The following ABHD12 variants were observed in gnomAD, a reference collection of about 807,000 sequenced individuals.
The protein encoded by ABHD12 is lysophosphatidylserine lipase ABHD12.
In ABHD12, 43 loss-of-function variants were observed where a neutral mutation model predicts 58.3. That is an observed-to-expected ratio of 0.74 (90% CI 0.58 to 0.95). The LOEUF (loss-of-function observed/expected upper bound fraction) is 0.95, where lower values mean the gene tolerates loss of function less well. ABHD12 is among the 40% of genes least tolerant of loss of function. The probability of loss-of-function intolerance (pLI) is 0.00; values close to 1 mark genes in which losing one functional copy is unlikely to be tolerated. For missense variants in ABHD12, 539 were observed against 537.2 expected, an observed-to-expected ratio of 1.00 and a Z score of -0.03; for synonymous variants, 219 against 211.2, an observed-to-expected ratio of 1.04 and a Z score of -0.32.
intron 1 of ABHD12, among the ~76,000 whole-genome samples, chr20:25,382,933 C>G (rs1276117710): frequency 6.6e-6 from 1 of 151,788 alleles, no homozygotes; most frequent in African/African-American, 2.4e-5. Context: ...AAACCAGTAC[C>G]AGTTGAGGGG....
At chr20:25,374,634 C>T (rs1421127468) in intron 1 of ABHD12, among the ~76,000 whole-genome samples, 1 of 152,200 alleles carries the variant, frequency 6.6e-6, no homozygotes, top group Non-Finnish European at 1.5e-5. Flanking sequence ...GCTGGGATTA[C>T]AGGCATGTGC....
chr20:25,390,793 G>A lies in ABHD12; in HGVS notation c.-90C>T. 6 of 905,014 alleles carry A rather than the reference G, an allele frequency of 6.6e-6. No individual in the cohort carries two copies. Among genetic ancestry groups the A allele is most frequent in the Non-Finnish European group, 8.5e-6 (6 of 703,574 alleles). 56.1% of individuals were successfully genotyped at this position (905,014 alleles called of 1,614,324 possible). On this transcript the variant is annotated 5_prime_UTR_variant, in exon 1 of 13. Coordinates refer to ENST00000339157, the MANE Select transcript of ABHD12 (RefSeq NM_001042472.3). The stretch of plus-strand genomic sequence containing the variant: ...CAGCCGCCGCCACCCAGAGCCCGGA[G>A]CCCGGAACCCGCCGCTCCTCACATC...
intron 2 of ABHD12, among the ~76,000 whole-genome samples, chr20:25,331,322 C>T (rs1184283709): frequency 2.0e-5 from 3 of 152,126 alleles, no homozygotes; most frequent in Non-Finnish European, 2.9e-5. Flanking sequence ...ACCAAATCTA[C>T]GTCTGATTGG....
rs114454550 is a variant in ABHD12, at chr20:25,354,527, C to T, written c.192-15176G>A. On this transcript the variant is annotated intron_variant, in intron 1 of 12. Transcript: ENST00000339157. The stretch of plus-strand genomic sequence containing the variant: ...AGTCTAAAAGGCTGTACATAAGCCA[C>T]GTGTTACAGATGAAAAGCTGAGGCT... 1.3e-3 allele frequency among the ~76,000 whole-genome samples: 199 copies of T among 152,278 alleles called. 1 individual carries two copies. Among genetic ancestry groups the T allele is most frequent in the East Asian group, 7.5e-3 (39 of 5,190 alleles).
rs139497461 is a variant in ABHD12 at position 25,308,029 on chromosome 20, G to A, written c.804C>T (p.Ala268=). 1.7e-5 allele frequency: 28 copies of A among 1,606,328 alleles called. No homozygotes were observed. In the African/African-American group the frequency reaches 3.3e-4, roughly 19 times the overall value. The change falls in exon 9 of 13, where the codon GCC becomes GCT. Residue 268 remains alanine, a synonymous_variant. Transcript: ENST00000339157. The part of the protein sequence containing the change: ...RLCERETPPD[A]LILESPFTNI... Reference sequence around the variant, plus strand: ...TAGTGAATGGAGATTCCAATATAAGGGCATCTGGAGGCGTCTCTAGATAAA... The same window carrying A: ...TAGTGAATGGAGATTCCAATATAAGAGCATCTGGAGGCGTCTCTAGATAAA...
At chr20:25,379,488 G>T (rs1305457865) in intron 1 of ABHD12, among the ~76,000 whole-genome samples, 1 of 151,996 alleles carries the variant, frequency 6.6e-6, no homozygotes, top group Non-Finnish European at 1.5e-5. Context: ...CCACAGCCTT[G>T]GCCTTCCTTC....
At chr20:25,347,285 C>T (rs2089532160) in intron 1 of ABHD12, among the ~76,000 whole-genome samples, 1 of 152,104 alleles carries the variant, frequency 6.6e-6, no homozygotes, top group Non-Finnish European at 1.5e-5. Context: ...GAAATACTGC[C>T]AGCATGCTGT....
intron 6 of ABHD12, among the ~76,000 whole-genome samples, chr20:25,309,790 C>T (rs1755011773): frequency 1.3e-5 from 2 of 152,250 alleles, no homozygotes; most frequent in Non-Finnish European, 2.9e-5. Context: ...CTGGGGAAGG[C>T]AGCCCAGCAG....
At chr20:25,307,802 G>T (rs1473771806) in intron 9 of ABHD12, among the ~76,000 whole-genome samples, 164 bp downstream of exon 9, 1 of 152,184 alleles carries the variant, frequency 6.6e-6, no homozygotes, top group Non-Finnish European at 1.5e-5. Flanking sequence ...TACTTCTTGG[G>T]CAGCTCTGTG....
intron 11 of ABHD12, 70 bp downstream of exon 11, chr20:25,303,465 CGCCTGCCCACTCCCA>C (rs2088676347): frequency 1.3e-6 from 2 of 1,571,798 alleles, no homozygotes; most frequent in Admixed American, 1.8e-5. Context: ...GCTGCCTTCC[CGCCTGCCCACTCCCA>C]GCCTGGTCCA....
Position 25,309,542 on chromosome 20 carries a change from C to T in ABHD12, c.653G>A (p.Arg218Gln), listed in dbSNP as rs1182010524. ...GTGGAGTGCGTCATAGGTCATGCCC[C>T]GCTCAGATGGCGTTCCCACTGAGTC... is the stretch of plus-strand genomic sequence containing the variant. ...WGDSVGTPSERGMTYDALHVF... is the reference protein window; with the variant it reads ...WGDSVGTPSEQGMTYDALHVF... Residue 218 changes from arginine (R) to glutamine (Q), a missense_variant, in exon 7 of 13, where the codon CGG becomes CAG. Physicochemically the swap from Arg to Gln is conservative, Grantham distance 43 (BLOSUM62 1). Coordinates refer to ENST00000339157, the MANE Select transcript of ABHD12 (RefSeq NM_001042472.3). The T allele has an allele frequency of 1.4e-5, 22 of 1,614,172 alleles. No individual in the cohort carries two copies. The highest frequency in any genetic ancestry group is 1.7e-5 in the Non-Finnish European group (20 of 1,180,008).
chr20:25,303,591 C>A lies in ABHD12; in HGVS notation c.988G>T (p.Ala330Ser). ...AAGGGCACCACCGGGTCGTCCTCAG[C>A]GTGCAGGATGAGCAGGGGACAGGAG... Reference protein sequence around the residue: ...HISCPLLILHAEDDPVVPFQL... With the variant: ...HISCPLLILHSEDDPVVPFQL... Residue 330 changes from alanine (A) to serine (S), a missense_variant, in exon 11 of 13, where the codon GCT (alanine) becomes TCT (serine). Physicochemically the swap from Ala to Ser is moderately conservative, Grantham distance 99 (BLOSUM62 1). Coordinates refer to ENST00000339157, the MANE Select transcript of ABHD12 (RefSeq NM_001042472.3). 6.2e-7 allele frequency: 1 copy of A among 1,613,800 alleles called. No individual in the cohort carries two copies. Among genetic ancestry groups the A allele is most frequent in the Non-Finnish European group, 8.5e-7 (1 of 1,179,992 alleles).
At chr20:25,339,502 G>A in intron 1 of ABHD12, 151 bp from the exon 2 acceptor site, 1 of 1,389,944 alleles carries the variant, frequency 7.2e-7, no homozygotes, top group Non-Finnish European at 1.0e-6. Context: ...CCTCCCACCT[G>A]CCTTCACTCA....
At chr20:25,294,963 T>C in exon 13 of ABHD12, 1 of 1,614,154 alleles carries the variant, frequency 6.2e-7, no homozygotes, top group South Asian at 1.1e-5. Flanking sequence ...GTGTCACCTG[T>C]TGGCTTCAGT....
rs1329980952 is a variant in ABHD12 at position 25,390,725 on chromosome 20, C to T, written c.-22G>A. 11 of 1,297,706 alleles carry T rather than the reference C, an allele frequency of 8.5e-6. No individual in the cohort carries two copies. Among genetic ancestry groups the T allele is most frequent in the Non-Finnish European group, 9.7e-6 (10 of 1,028,122 alleles). 80.4% of individuals were successfully genotyped at this position (1,297,706 alleles called of 1,614,324 possible). On this transcript the variant is annotated 5_prime_UTR_variant, in exon 1 of 13. Transcript: ENST00000339157. ...TCATCCCGCGGCCGACAGGGCCAGC[C>T]GCCGACGGCGCCCGCTGGCCTGCGC...
chr20:25,314,201 G>A (rs1051600379), intron 6 of ABHD12, among the ~76,000 whole-genome samples: 3 of 152,060 alleles, frequency 2.0e-5, no homozygotes, highest in African/African-American at 7.2e-5. Context: ...ACGAACTCCT[G>A]ACCTCAAGTG....
rs753052367 is a variant in ABHD12 at position 25,323,355 on chromosome 20, T to C, written c.392A>G (p.Gln131Arg). 1 of 1,614,102 alleles carries C rather than the reference T, an allele frequency of 6.2e-7. No individual in the cohort carries two copies. The highest frequency in any genetic ancestry group is 1.7e-5 in the Admixed American group (1 of 60,026). ...GLNHTCNYYLQPEEDVTIGVW... is the reference protein window; with the variant it reads ...GLNHTCNYYLRPEEDVTIGVW... ...TCCAATGGTCACGTCTTCCTCTGGC[T>C]GCAGGTAGTAGTTACACGTGTGATT... Residue 131 changes from glutamine to arginine, a missense_variant, in exon 3 of 13, where the codon CAG becomes CGG. By Grantham distance (43) the Gln-to-Arg change is conservative. Coordinates refer to ENST00000339157, the MANE Select transcript of ABHD12 (RefSeq NM_001042472.3).
At chr20:25,383,746 G>A (rs2090049811) in intron 1 of ABHD12, among the ~76,000 whole-genome samples, 1 of 152,090 alleles carries the variant, frequency 6.6e-6, no homozygotes, top group African/African-American at 2.4e-5. Context: ...ATGAGGTCAG[G>A]AGTTCAAGAT....
downstream of ABHD12, chr20:25,298,082 A>G (rs891069215): frequency 1.3e-5 from 2 of 152,254 alleles, no homozygotes; most frequent in Non-Finnish European, 2.9e-5. Flanking sequence ...GGAAGCAGAG[A>G]ACACAGGCCT....
Sources: gnomAD v4.1 joint callset for allele counts (sites outside exome capture counted in the v4.1 genomes callset) on GRCh38, gnomAD v4.1.1 for gene constraint, MANE v1.5 for transcripts, NCBI Gene and HGNC (gene_info 2026-07-23, HGNC 2026-07-21) for gene names.